Variants in RAB39A observed in about 807,000 individuals in gnomAD.
RAB39A encodes RAB39A, member RAS oncogene family, also known as ras-related protein Rab-39A.
In RAB39A, 17 loss-of-function variants were observed where a neutral mutation model predicts 20.9. The observed-to-expected ratio is 0.81, with a 90% confidence interval of 0.56 to 1.22. The LOEUF (loss-of-function observed/expected upper bound fraction) is 1.22, where lower values mean the gene tolerates loss of function less well. Among genes scored for constraint, RAB39A ranks in the 50% most tolerant of loss-of-function variants. RAB39A has a pLI of 0.00. For synonymous variants in RAB39A, 99 were observed against 103.4 expected (o/e 0.96, Z 0.26); for missense variants, 234 against 270.5 (o/e 0.87, Z 0.95).
chr11:107,931,941 C>G (rs1283354484), intron 1 of RAB39A, among the ~76,000 whole-genome samples: 1 of 149,202 alleles, frequency 6.7e-6, no homozygotes, highest in Non-Finnish European at 1.5e-5. Flanking sequence ...CTCACTGCAG[C>G]CTCCACCTCC....
chr11:107,934,697 C>T (rs989872654), intron 1 of RAB39A, among the ~76,000 whole-genome samples: 7 of 151,634 alleles, frequency 4.6e-5, no homozygotes, highest in Admixed American at 1.3e-4. Context: ...GAGGCCAAGG[C>T]GAGTGGATCA....
At chr11:107,955,375 C>A (rs1376424917) in intron 1 of RAB39A, among the ~76,000 whole-genome samples, 1 of 152,076 alleles carries the variant, frequency 6.6e-6, no homozygotes, top group African/African-American at 2.4e-5. Flanking sequence ...GCATTCCAGG[C>A]TGCTAGAGGT....
chr11:107,943,359 C>A (rs1861278661), intron 1 of RAB39A, among the ~76,000 whole-genome samples: 1 of 151,718 alleles, frequency 6.6e-6, no homozygotes, highest in Non-Finnish European at 1.5e-5. Flanking sequence ...ATCACGAGGT[C>A]AGGAGATTGA....
At chr11:107,950,526 G>A (rs1385840515) in intron 1 of RAB39A, among the ~76,000 whole-genome samples, 1 of 152,050 alleles carries the variant, frequency 6.6e-6, no homozygotes, top group East Asian at 1.9e-4. Context: ...CAGCACTTTC[G>A]GAGGCCAGGG....
At chr11:107,951,114 A>T (rs1306698914) in intron 1 of RAB39A, among the ~76,000 whole-genome samples, 1 of 152,230 alleles carries the variant, frequency 6.6e-6, no homozygotes, top group Non-Finnish European at 1.5e-5. Flanking sequence ...AAGAAAAAGA[A>T]TCTTAAGATT....
rs577631538 is a variant in RAB39A at position 107,947,175 on chromosome 11, C to T, written c.228-14771C>T. Among the ~76,000 whole-genome samples the T allele has an allele frequency of 4.9e-4, 75 of 151,858 alleles. No homozygotes were observed. The East Asian group carries it at 0.014, about 29-fold the overall frequency. On this transcript the variant is annotated intron_variant, in intron 1 of 1. Coordinates refer to ENST00000320578, the MANE Select transcript of RAB39A (RefSeq NM_017516.3). ...GGAGTGCAGTGGCGTGATCTCGGCT[C>T]ACTGCAAGCTCCGCCTCCCAGGTTC...
intron 1 of RAB39A, among the ~76,000 whole-genome samples, chr11:107,949,502 A>G (rs1861353059): frequency 6.6e-6 from 1 of 152,194 alleles, no homozygotes; most frequent in African/African-American, 2.4e-5. Context: ...CAGCAGTCAC[A>G]GAAATGGTGG....
intron 1 of RAB39A, among the ~76,000 whole-genome samples, chr11:107,949,905 G>A (rs939332399): frequency 1.3e-5 from 2 of 152,176 alleles, no homozygotes; most frequent in African/African-American, 4.8e-5. Context: ...GGGCGCGGTG[G>A]CTCACACCTG....
At chr11:107,952,937 C>T (rs1403538078) in intron 1 of RAB39A, among the ~76,000 whole-genome samples, 3 of 152,034 alleles carry the variant, frequency 2.0e-5, no homozygotes, top group Non-Finnish European at 2.9e-5. Flanking sequence ...GGACAAATAC[C>T]GTATGATTCC....
chr11:107,941,589 T>G (rs904278108), intron 1 of RAB39A, among the ~76,000 whole-genome samples: 1 of 152,186 alleles, frequency 6.6e-6, no homozygotes, highest in African/African-American at 2.4e-5. Context: ...TCTAGTCACT[T>G]GTCATATTTT....
At chr11:107,954,190 C>T (rs1861410548) in intron 1 of RAB39A, among the ~76,000 whole-genome samples, 1 of 152,194 alleles carries the variant, frequency 6.6e-6, no homozygotes, top group South Asian at 2.1e-4. Flanking sequence ...TGGTAGTAAG[C>T]AATAACAGTT....
intron 1 of RAB39A, among the ~76,000 whole-genome samples, chr11:107,950,741 G>C (rs1037181111): frequency 2.7e-5 from 4 of 147,626 alleles, no homozygotes; most frequent in Admixed American, 1.4e-4. Context: ...ACTCCAGCCT[G>C]GGCGACAGAG....
intron 1 of RAB39A, among the ~76,000 whole-genome samples, chr11:107,942,098 C>CAAAAAAAAAAA (rs10537482): frequency 1.2e-5 from 1 of 83,760 alleles, no homozygotes; most frequent in African/African-American, 5.0e-5. Context: ...GATTCCATCT[C>CAAAAAAAAAAA]AAAAAAAAAA....
At position 107,961,957 on chromosome 11, in the gene RAB39A, G is replaced by T. The variant is rs756124351; in HGVS notation, c.239G>T (p.Arg80Leu). ...TCTTCATTTTTCAGATCAATAACCC[G>T]ATCTTATTACCGCAACTCAGTTGGT... ...AGQERFRSIT[R>L]SYYRNSVGGF... The change falls in exon 2 of 2, where the codon CGA (arginine) becomes CTA (leucine). Residue 80 changes from arginine (R) to leucine (L), a missense_variant. Physicochemically the swap from Arg to Leu is moderately radical, Grantham distance 102. Coordinates refer to ENST00000320578, the MANE Select transcript of RAB39A (RefSeq NM_017516.3). 9 of 1,608,738 alleles carry T rather than the reference G, an allele frequency of 5.6e-6. No individual in the cohort carries two copies. The East Asian group carries it at 2.0e-4, about 36-fold the overall frequency.
chr11:107,934,495 G>C (rs1331470942), intron 1 of RAB39A, among the ~76,000 whole-genome samples: 2 of 152,134 alleles, frequency 1.3e-5, no homozygotes, highest in African/African-American at 4.8e-5. Context: ...TTTGGGAATA[G>C]CTCCCTTGAT....
At chr11:107,931,029 T>C (rs1591239423) in intron 1 of RAB39A, among the ~76,000 whole-genome samples, 1 of 149,260 alleles carries the variant, frequency 6.7e-6, no homozygotes, top group South Asian at 2.1e-4. Context: ...CAGGCTGGAG[T>C]GCAATGGCGC....
chr11:107,943,927 A>G (rs1164696312), intron 1 of RAB39A, among the ~76,000 whole-genome samples: 1 of 151,844 alleles, frequency 6.6e-6, no homozygotes, highest in Admixed American at 6.6e-5. Flanking sequence ...AAACCCCATC[A>G]CTACTAAAAA....
At chr11:107,943,075 C>T (rs1217317272) in intron 1 of RAB39A, among the ~76,000 whole-genome samples, 1 of 152,196 alleles carries the variant, frequency 6.6e-6, no homozygotes, top group Admixed American at 6.5e-5. Context: ...TACACTGCTA[C>T]ACTTAGTAAC....
At chr11:107,930,816 A>G (rs552929639) in intron 1 of RAB39A, among the ~76,000 whole-genome samples, 12 of 151,944 alleles carry the variant, frequency 7.9e-5, no homozygotes, top group East Asian at 1.9e-4. Flanking sequence ...AGATCACGCC[A>G]CTGCACTCCA....
Sources: gnomAD v4.1 joint callset for allele counts (sites outside exome capture counted in the v4.1 genomes callset) on GRCh38, gnomAD v4.1.1 for gene constraint, MANE v1.5 for transcripts, NCBI Gene and HGNC (gene_info 2026-07-23, HGNC 2026-07-21) for gene names.